CCDC33: variants seen among roughly 807,000 people sequenced by gnomAD.
CCDC33 encodes the protein coiled-coil domain containing 33, also known as coiled-coil domain-containing protein 33.
Under a neutral mutation model 91.9 loss-of-function variants are expected in CCDC33, and 94 were observed. That is an observed-to-expected ratio of 1.02 (90% CI 0.87 to 1.21). The LOEUF is 1.21. CCDC33 is among the 50% of genes most tolerant of loss of function. The probability of loss-of-function intolerance (pLI) is 0.00; values close to 1 mark genes in which losing one functional copy is unlikely to be tolerated. For missense variants in CCDC33, 940 were observed against 935.5 expected, an observed-to-expected ratio of 1.00 and a Z score of -0.06; for synonymous variants, 396 against 374.5, an observed-to-expected ratio of 1.06 and a Z score of -0.66.
chr15:74,323,641 C>T (rs1454612109), intron 11 of CCDC33, among the ~76,000 whole-genome samples: 2 of 152,184 alleles, frequency 1.3e-5, no homozygotes, highest in African/African-American at 4.8e-5. Flanking sequence ...GATTCTCAGG[C>T]CTCGGCCTGC....
intron 11 of CCDC33, among the ~76,000 whole-genome samples, chr15:74,312,919 G>A (rs893247573): frequency 1.3e-5 from 2 of 152,188 alleles, no homozygotes; most frequent in Admixed American, 6.5e-5. Context: ...CACCAGGCAG[G>A]GCCTCAGCCC....
intron 1 of CCDC33, among the ~76,000 whole-genome samples, chr15:74,204,602 A>G (rs796946822): frequency 1.4e-4 from 21 of 152,354 alleles, no homozygotes; most frequent in African/African-American, 4.8e-4. Context: ...TCTACAAGGC[A>G]GCAGTGTCAG....
At chr15:74,312,137 A>C (rs2060004281) in intron 11 of CCDC33, among the ~76,000 whole-genome samples, 1 of 152,234 alleles carries the variant, frequency 6.6e-6, no homozygotes, top group Non-Finnish European at 1.5e-5. Flanking sequence ...AGAGTCCAGA[A>C]GGACTGGCAA....
intron 10 of CCDC33, among the ~76,000 whole-genome samples, chr15:74,286,722 G>T (rs987779657): frequency 1.3e-4 from 20 of 152,150 alleles, no homozygotes; most frequent in African/African-American, 4.8e-4. Flanking sequence ...CAGAAGTAGG[G>T]CCTCTCAGAT....
rs539124387 is a variant in CCDC33, at chr15:74,331,209, G to A, written c.1684G>A (p.Glu562Lys). Reference sequence around the variant, plus strand: ...CCTCTGCTCTGCTCTCCAGGTGATCGAGAAGATGGAGCGGGTGCTGGAGGA... The same window carrying A: ...CCTCTGCTCTGCTCTCCAGGTGATCAAGAAGATGGAGCGGGTGCTGGAGGA... ...ETVRHQEKVI[E>K]KMERVLEDRL... is the part of the protein sequence containing the mutation. Residue 562 changes from glutamate to lysine, a missense_variant, in exon 15 of 19, where the codon GAG (glutamate) becomes AAG (lysine). Glu to Lys is a moderately conservative substitution (Grantham distance 56). Coordinates refer to ENST00000398814, the MANE Select transcript of CCDC33 (RefSeq NM_025055.5). 4.8e-5 allele frequency: 77 copies of A among 1,614,204 alleles called. No individual in the cohort carries two copies. Among genetic ancestry groups the A allele is most frequent in the Non-Finnish European group, 5.8e-5 (68 of 1,180,022 alleles).
intron 11 of CCDC33, among the ~76,000 whole-genome samples, chr15:74,298,688 C>T (rs1293932562): frequency 2.7e-5 from 4 of 146,158 alleles, no homozygotes; most frequent in African/African-American, 5.1e-5. Flanking sequence ...TACAGGCATT[C>T]GACACCCTGG....
In CCDC33 at chr15:74,330,208, G is replaced by A. The variant is rs2277604; in HGVS notation, c.1310G>A (p.Arg437Gln). The change falls in exon 12 of 19, where the codon CGG becomes CAG. Residue 437 changes from arginine to glutamine, a missense_variant. Physicochemically the swap from Arg to Gln is conservative, Grantham distance 43. Transcript: ENST00000398814. ...CCACAGGAGATGAACAACTACCGGCGGGCCATGCAGAAGATGGCAGAGGAC... is the reference window on the plus strand; with the variant it reads ...CCACAGGAGATGAACAACTACCGGCAGGCCATGCAGAAGATGGCAGAGGAC... Reference protein sequence around the residue: ...SHDTEMNNYRRAMQKMAEDIL... With the variant: ...SHDTEMNNYRQAMQKMAEDIL... 1.1e-5 allele frequency: 17 copies of A among 1,608,230 alleles called. No individual in the cohort carries two copies. Among genetic ancestry groups the A allele is most frequent in the South Asian group, 3.3e-5 (3 of 90,600 alleles).
chr15:74,280,553 G>T (rs2059339193), intron 8 of CCDC33, 115 bp from the exon 9 acceptor site: 1 of 1,237,100 alleles, frequency 8.1e-7, no homozygotes, highest in East Asian at 2.7e-5. Flanking sequence ...TGCAGGGAAA[G>T]GCCAGGAGGC....
chr15:74,312,940 GC>G (rs1345904948), intron 11 of CCDC33, among the ~76,000 whole-genome samples: 1 of 152,208 alleles, frequency 6.6e-6, no homozygotes, highest in Non-Finnish European at 1.5e-5. Context: ...TCCAGAGGAA[GC>G]CCCCAGACCC....
intron 3 of CCDC33, among the ~76,000 whole-genome samples, chr15:74,264,715 A>G (rs781311622): frequency 5.2e-4 from 79 of 152,352 alleles, no homozygotes; most frequent in Non-Finnish European, 7.2e-4. Context: ...AGATGCTTAA[A>G]GAGAAGGAAA....
intron 10 of CCDC33, among the ~76,000 whole-genome samples, chr15:74,293,592 C>T (rs1033104902): frequency 1.3e-5 from 2 of 152,178 alleles, no homozygotes; most frequent in African/African-American, 2.4e-5. Context: ...GGTGTCTTCA[C>T]GTCAGTGGGG....
At chr15:74,272,175 C>A (rs1320281725) in intron 6 of CCDC33, among the ~76,000 whole-genome samples, 1 of 152,038 alleles carries the variant, frequency 6.6e-6, no homozygotes, top group Non-Finnish European at 1.5e-5. Flanking sequence ...CTGCCTCACA[C>A]CCACCACCTC....
chr15:74,245,338 G>C (rs2075488285), intron 2 of CCDC33, among the ~76,000 whole-genome samples: 1 of 152,208 alleles, frequency 6.6e-6, no homozygotes, highest in Non-Finnish European at 1.5e-5. Flanking sequence ...GAGAGCAACA[G>C]GTGAAACACT....
At chr15:74,262,898 C>T (rs1413631724) in intron 3 of CCDC33, among the ~76,000 whole-genome samples, 1 of 152,138 alleles carries the variant, frequency 6.6e-6, no homozygotes, top group Non-Finnish European at 1.5e-5. Flanking sequence ...CACGTCCCCA[C>T]ACATCACTCA....
chr15:74,206,805 A>C (rs982577213), intron 1 of CCDC33, among the ~76,000 whole-genome samples: 3 of 152,224 alleles, frequency 2.0e-5, no homozygotes, highest in African/African-American at 7.2e-5. Flanking sequence ...AGGAGAGAGT[A>C]GCATAAGGGT....
intron 5 of CCDC33, among the ~76,000 whole-genome samples, chr15:74,271,263 G>A (rs763419440): frequency 2.9e-4 from 44 of 152,062 alleles, no homozygotes; most frequent in Non-Finnish European, 5.7e-4. Context: ...TCTAATCAGA[G>A]ACCCCTCACA....
chr15:74,203,029 C>A (rs2074157840), exon 1 of CCDC33: 2 of 986,030 alleles, frequency 2.0e-6, no homozygotes, highest in Non-Finnish European at 2.4e-6. Context: ...CCCCAGAGCT[C>A]CCAAGCCCCT....
intron 1 of CCDC33, chr15:74,208,072 CT>C (rs1232404784): frequency 3.2e-6 from 4 of 1,249,464 alleles, no homozygotes; most frequent in Non-Finnish European, 4.1e-6. Context: ...TTAGACCAGG[CT>C]GTTCTGGTAT....
intron 2 of CCDC33, among the ~76,000 whole-genome samples, chr15:74,255,173 C>T (rs1020270087): frequency 6.6e-6 from 1 of 151,658 alleles, no homozygotes; most frequent in Non-Finnish European, 1.5e-5. Context: ...TGCCAATATA[C>T]GTCTCCACTC....
Sources: allele counts gnomAD v4.1 joint callset (sites outside exome capture counted in the v4.1 genomes callset), GRCh38; gene constraint gnomAD v4.1.1; transcripts MANE v1.5; gene names NCBI Gene and HGNC (gene_info 2026-07-23, HGNC 2026-07-21).